Variants in RALGPS1 observed in about 807,000 individuals in gnomAD.
RALGPS1 encodes ras-specific guanine nucleotide-releasing factor RalGPS1.
In RALGPS1, 19 loss-of-function variants were observed where a neutral mutation model predicts 78.8. The ratio of observed to expected loss-of-function variants is 0.24; its 90% CI spans 0.17 to 0.35. RALGPS1 has a LOEUF of 0.35. Ranked by LOEUF, RALGPS1 falls within the 10% of genes least tolerant of loss-of-function variation. The pLI is 1.00. For missense variants in RALGPS1, 454 were observed against 688.3 expected (o/e 0.66, Z 3.81); for synonymous variants, 228 against 256.3 (o/e 0.89, Z 1.06).
At chr9:127,086,397 T>G (rs2051747510) in intron 8 of RALGPS1, among the ~76,000 whole-genome samples, 2 of 152,184 alleles carry the variant, frequency 1.3e-5, no homozygotes, top group South Asian at 4.1e-4. Flanking sequence ...TTGACATTTT[T>G]TTCATCTCTG....
chr9:127,057,180 G>T (rs1027966840), intron 7 of RALGPS1, among the ~76,000 whole-genome samples: 1 of 152,204 alleles, frequency 6.6e-6, no homozygotes, highest in Non-Finnish European at 1.5e-5. Context: ...GCAAGAACCT[G>T]TGAGAGAATC....
In RALGPS1 at chr9:127,108,163, G is replaced by C. The variant is rs758959493; in HGVS notation, c.610+38807G>C. ...CGCGATGATCTCTGATTGGTTGTGG[G>C]CCAGTGTGGCCAGGTGCTGGTACTT... is the stretch of plus-strand genomic sequence containing the variant. On this transcript the variant is annotated intron_variant, in intron 8 of 18. Transcript: ENST00000259351. 3.7e-6 allele frequency: 6 copies of C among 1,613,994 alleles called. No homozygotes were observed. The highest frequency in any genetic ancestry group is 5.1e-6 in the Non-Finnish European group (6 of 1,180,014).
intron 4 of RALGPS1, among the ~76,000 whole-genome samples, chr9:126,982,915 TCTTCTTCTTCTTC>T (rs1436819231): frequency 4.5e-5 from 4 of 89,608 alleles, no homozygotes; most frequent in African/African-American, 9.6e-5. Flanking sequence ...TTCTTCTTCT[TCTTCTTCTTCTTC>T]TTTTTTTTTT....
chr9:127,216,860 G>A (rs1036220436), intron 18 of RALGPS1: 85 of 1,452,894 alleles, frequency 5.9e-5, no homozygotes, highest in South Asian at 7.2e-5. Flanking sequence ...TCTGAGGGCC[G>A]CTCTCTTAAG....
intron 1 of RALGPS1, among the ~76,000 whole-genome samples, chr9:126,928,690 CT>C (rs1462003239): frequency 6.6e-6 from 1 of 152,050 alleles, no homozygotes; most frequent in Non-Finnish European, 1.5e-5. Context: ...CAACCTCCAC[CT>C]CCCAGCTCCA....
intron 8 of RALGPS1, among the ~76,000 whole-genome samples, chr9:127,140,833 G>C (rs1328148629): frequency 6.6e-6 from 1 of 152,226 alleles, no homozygotes; most frequent in Non-Finnish European, 1.5e-5. Flanking sequence ...GGCGAGGGTG[G>C]AACATGGAGG....
At chr9:126,962,816 T>G (rs1368225942) in intron 2 of RALGPS1, among the ~76,000 whole-genome samples, 3 of 152,222 alleles carry the variant, frequency 2.0e-5, no homozygotes, top group Admixed American at 2.0e-4. Context: ...GAGTTTGATT[T>G]CCATGCTCGG....
At chr9:127,022,243 C>A (rs1205164955) in intron 4 of RALGPS1, among the ~76,000 whole-genome samples, 1 of 152,082 alleles carries the variant, frequency 6.6e-6, no homozygotes, top group Admixed American at 6.5e-5. Flanking sequence ...CTTCCACGGC[C>A]CATACTGCCT....
chr9:127,059,750 A>T (rs986035084), intron 7 of RALGPS1, among the ~76,000 whole-genome samples: 1 of 151,976 alleles, frequency 6.6e-6, no homozygotes, highest in East Asian at 1.9e-4. Flanking sequence ...CTCTGCTTGC[A>T]TGTTCCTTTG....
rs144189303 is a variant in RALGPS1 at position 127,213,009 on chromosome 9, C to T, written c.1512C>T (p.Pro504=). ...VGWMVQLPDD[P]EHPDIFQLNN... is the part of the protein sequence containing the mutation. The stretch of plus-strand genomic sequence containing the variant: ...GGATGGTGCAGCTGCCCGATGACCC[C>T]GAGCACCCAGATATCTTCCAGCTGA... Residue 504 remains proline (P), a synonymous_variant, in exon 17 of 19, where the codon CCC becomes CCT. Coordinates refer to ENST00000259351, the MANE Select transcript of RALGPS1 (RefSeq NM_014636.3). 1.2e-5 allele frequency: 19 copies of T among 1,614,106 alleles called. No homozygotes were observed. Among genetic ancestry groups the T allele is most frequent in the Admixed American group, 3.3e-5 (2 of 60,008 alleles).
intron 4 of RALGPS1, among the ~76,000 whole-genome samples, chr9:127,012,483 A>G (rs1009192615): frequency 6.6e-6 from 1 of 152,174 alleles, no homozygotes; most frequent in African/African-American, 2.4e-5. Context: ...GGGCTATGGC[A>G]GGCCCCTGAC....
intron 1 of RALGPS1, among the ~76,000 whole-genome samples, chr9:126,949,748 T>A (rs1352450504): frequency 6.6e-6 from 1 of 151,950 alleles, no homozygotes; most frequent in Non-Finnish European, 1.5e-5. Context: ...GAAAATTTTC[T>A]CCCATTTTGT....
intron 5 of RALGPS1, among the ~76,000 whole-genome samples, chr9:127,044,291 T>C (rs1240263903): frequency 1.3e-5 from 2 of 152,088 alleles, no homozygotes; most frequent in African/African-American, 2.4e-5. Flanking sequence ...AGTTTCACTC[T>C]TGTTGCCCAG....
At chr9:127,028,083 C>T (rs2046109053) in intron 4 of RALGPS1, among the ~76,000 whole-genome samples, 1 of 152,222 alleles carries the variant, frequency 6.6e-6, no homozygotes. Context: ...ATCCTATTAT[C>T]CCTTTTGTCT....
intron 4 of RALGPS1, among the ~76,000 whole-genome samples, chr9:126,987,191 GC>G (rs1270646040): frequency 1.3e-5 from 2 of 152,228 alleles, no homozygotes; most frequent in East Asian, 3.9e-4. Context: ...GCCCTGGATA[GC>G]TGGGAGGCTG....
At chr9:127,105,801 C>T (rs780793926) in intron 8 of RALGPS1, among the ~76,000 whole-genome samples, 10 of 152,232 alleles carry the variant, frequency 6.6e-5, no homozygotes, top group Non-Finnish European at 8.8e-5. Flanking sequence ...GCCGTCTACC[C>T]CAGACTGAGT....
At chr9:127,164,749 A>G (rs1459461454) in intron 8 of RALGPS1, among the ~76,000 whole-genome samples, 1 of 150,172 alleles carries the variant, frequency 6.7e-6, no homozygotes, top group African/African-American at 2.5e-5. Context: ...CATGTTGCCC[A>G]GGCTGGTTCC....
At chr9:127,074,608 C>T (rs1039716348) in intron 8 of RALGPS1, among the ~76,000 whole-genome samples, 4 of 152,358 alleles carry the variant, frequency 2.6e-5, no homozygotes, top group South Asian at 2.1e-4. Flanking sequence ...CCTCTTTTCT[C>T]GAATAAGGAT....
At chr9:127,025,316 GTTTC>G (rs1397321799) in intron 4 of RALGPS1, among the ~76,000 whole-genome samples, 1 of 152,202 alleles carries the variant, frequency 6.6e-6, no homozygotes, top group Non-Finnish European at 1.5e-5. Context: ...AATCCGGGTT[GTTTC>G]TAGTCTGGGG....
Sources: allele counts gnomAD v4.1 joint callset (sites outside exome capture counted in the v4.1 genomes callset), GRCh38; gene constraint gnomAD v4.1.1; transcripts MANE v1.5; gene names NCBI Gene and HGNC (gene_info 2026-07-23, HGNC 2026-07-21).